The following GLRA2 variants were observed in gnomAD, a reference collection of about 807,000 sequenced individuals.
The protein encoded by GLRA2 is glycine receptor alpha 2, also known as glycine receptor subunit alpha-2.
A neutral mutation model predicts 31.6 loss-of-function variants in GLRA2; 11 were observed. The ratio of observed to expected loss-of-function variants is 0.35; its 90% CI spans 0.22 to 0.58. GLRA2 has a LOEUF of 0.58. Among genes scored for constraint, GLRA2 ranks in the 20% least tolerant of loss-of-function variants. The probability of loss-of-function intolerance (pLI) is 0.84; values close to 1 mark genes in which losing one functional copy is unlikely to be tolerated. For synonymous variants in GLRA2, 132 were observed against 134.0 expected (o/e 0.99, Z 0.10); for missense variants, 212 against 351.8 (o/e 0.60, Z 3.18).
At chrX:14,505,286 T>C in the GLRA2 span, among the ~76,000 whole-genome samples, 1 of 111,924 alleles carries the variant, frequency 8.9e-6, no homozygotes, top group East Asian at 2.8e-4. Context: ...TACAGAGCTG[T>C]TAGTAAGAAA....
rs777634221 is a variant in GLRA2 at position 14,730,509 on chromosome X, C to A, written c.*24C>A. ...AGATGTGCCCTACAGACCCTGGGACCTTCTTGCCTCAGTGTTGTGCTTGTA... is the reference window on the plus strand; with the variant it reads ...AGATGTGCCCTACAGACCCTGGGACATTCTTGCCTCAGTGTTGTGCTTGTA... On this transcript the variant is annotated 3_prime_UTR_variant, in exon 9 of 9. Coordinates refer to ENST00000218075, the MANE Select transcript of GLRA2 (RefSeq NM_002063.4). 24 of 1,072,900 alleles carry A rather than the reference C, an allele frequency of 2.2e-5. No homozygotes were observed. The highest frequency in any genetic ancestry group is 4.0e-5 in the African/African-American group (2 of 49,648). The allele number at this position is 1,072,900 out of a possible 1,213,427, so 88.4% of individuals were successfully genotyped here. A position where few individuals can be genotyped will look rare whatever the true frequency, so the allele number is the denominator to read the frequency against.
Position 14,685,921 on chromosome X carries a change from A to G in GLRA2, c.931-4789A>G, listed in dbSNP as rs1485095576. 3.6e-5 allele frequency among the ~76,000 whole-genome samples: 4 copies of G among 111,806 alleles called. No individual in the cohort carries two copies. The East Asian group carries it at 1.1e-3, about 31-fold the overall frequency. ...TGTGATGTTAGGTTGTCAATTTTAG[A>G]TCTTTCCTGCTTTCTCTTGTGGCAT... On this transcript the variant is annotated intron_variant, in intron 7 of 8. Coordinates refer to ENST00000218075, the MANE Select transcript of GLRA2 (RefSeq NM_002063.4).
intron 8 of GLRA2, among the ~76,000 whole-genome samples, chrX:14,719,639 G>A (rs1264620405): frequency 1.8e-5 from 2 of 111,963 alleles, no homozygotes; most frequent in African/African-American, 6.5e-5. Context: ...ATGGAAAACA[G>A]TATAGCTCAA....
At chrX:14,634,698 C>A (rs2090689729) in intron 7 of GLRA2, among the ~76,000 whole-genome samples, 1 of 111,767 alleles carries the variant, frequency 8.9e-6, no homozygotes, top group South Asian at 3.7e-4. Context: ...ACCATTTGGA[C>A]TTATCAAATA....
chrX:14,653,557 T>A (rs1355105420), intron 7 of GLRA2, among the ~76,000 whole-genome samples: 1 of 112,298 alleles, frequency 8.9e-6, no homozygotes, highest in Non-Finnish European at 1.9e-5. Context: ...AAAGTCTGAA[T>A]AGATGAGGAG....
intron 4 of GLRA2, among the ~76,000 whole-genome samples, chrX:14,599,242 T>A (rs1254985954): frequency 8.9e-6 from 1 of 112,339 alleles, no homozygotes; most frequent in African/African-American, 3.2e-5. Flanking sequence ...AAATGAGTTA[T>A]TTAACAAAAA....
At chrX:14,579,545 G>T (rs919739285) in intron 3 of GLRA2, among the ~76,000 whole-genome samples, 7 of 111,322 alleles carry the variant, frequency 6.3e-5, no homozygotes, top group African/African-American at 2.3e-4. Flanking sequence ...GGCCAGGCTG[G>T]TCTCGAACAC....
intron 2 of GLRA2, among the ~76,000 whole-genome samples, chrX:14,553,546 A>G (rs2089597255): frequency 9.0e-6 from 1 of 110,662 alleles, no homozygotes; most frequent in African/African-American, 3.3e-5. Context: ...GATTCAGTAC[A>G]TTTTGGTATT....
intron 7 of GLRA2, among the ~76,000 whole-genome samples, chrX:14,674,573 C>A (rs895263070): frequency 1.8e-5 from 2 of 111,541 alleles, no homozygotes; most frequent in Non-Finnish European, 3.8e-5. Flanking sequence ...AATGTGTGGG[C>A]CCCTACTTTG....
the GLRA2 span, among the ~76,000 whole-genome samples, chrX:14,449,865 C>T: frequency 9.0e-6 from 1 of 111,645 alleles, no homozygotes; most frequent in African/African-American, 3.3e-5. Flanking sequence ...GGAGGAGCGC[C>T]CAGTTTCAGA....
At chrX:14,574,811 G>T (rs3027344) in intron 3 of GLRA2, among the ~76,000 whole-genome samples, 21,054 of 111,177 alleles carry the variant, frequency 0.19, 1,944 homozygotes, top group Non-Finnish European at 0.29. Context: ...GTTTTCTGTA[G>T]AATTATCCAC....
chrX:14,560,033 T>G (rs1421117187), intron 2 of GLRA2, among the ~76,000 whole-genome samples: 1 of 111,802 alleles, frequency 8.9e-6, no homozygotes, highest in Non-Finnish European at 1.9e-5. Flanking sequence ...TGCTTACTCA[T>G]GTTCAGATAT....
chrX:14,626,890 A>T (rs1254943708), intron 7 of GLRA2, among the ~76,000 whole-genome samples: 1 of 112,013 alleles, frequency 8.9e-6, no homozygotes, highest in African/African-American at 3.2e-5. Flanking sequence ...TTGCTGCATA[A>T]TTTTATGCTT....
chrX:14,606,925 A>C (rs759675588), intron 5 of GLRA2, among the ~76,000 whole-genome samples: 1 of 112,345 alleles, frequency 8.9e-6, no homozygotes, highest in African/African-American at 3.2e-5. Context: ...AAATCCATCC[A>C]TAAGTAGCTT....
At chrX:14,707,757 GGT>G (rs374444365) in intron 8 of GLRA2, among the ~76,000 whole-genome samples, 2,038 of 106,184 alleles carry the variant, frequency 0.019, 44 homozygotes, top group African/African-American at 0.059. Flanking sequence ...CAGCAAAAAA[GGT>G]GTGTGTGTGT....
chrX:14,464,856 A>G, the GLRA2 span, among the ~76,000 whole-genome samples: 1 of 112,056 alleles, frequency 8.9e-6, no homozygotes, highest in East Asian at 2.8e-4. Flanking sequence ...CGCCCAGCCT[A>G]TGTGTCTATT....
At chrX:14,533,937 G>A (rs1338792412) in intron 2 of GLRA2, among the ~76,000 whole-genome samples, 1 of 111,619 alleles carries the variant, frequency 9.0e-6, no homozygotes, top group East Asian at 2.8e-4. Flanking sequence ...TCCAGAGATG[G>A]AAAATTGTTT....
chrX:14,730,941 CACACACACAA>C lies in GLRA2; in HGVS notation c.*459_*468del, dbSNP rs1159544619. On this transcript the variant is annotated 3_prime_UTR_variant, in exon 9 of 9. Coordinates refer to ENST00000218075, the MANE Select transcript of GLRA2 (RefSeq NM_002063.4). ...ACACACACACACACACACACACACACACACACACAAACTTCAAAAATGCTTAACCATCTGA... is the reference window on the plus strand; with the variant it reads ...ACACACACACACACACACACACACACACTTCAAAAATGCTTAACCATCTGA... 25 of 78,092 alleles carry C rather than the reference CACACACACAA, an allele frequency of 3.2e-4. No homozygotes were observed. In the Admixed American group the frequency reaches 3.2e-3, roughly 10 times the overall value. 6.4% of individuals were successfully genotyped at this position (78,092 alleles called of 1,213,427 possible).
intron 6 of GLRA2, 141 bp from the exon 7 acceptor site, chrX:14,608,850 T>C (rs1040933698): frequency 5.9e-5 from 26 of 439,899 alleles, no homozygotes; most frequent in Middle Eastern, 1.2e-3. Flanking sequence ...GTTGAATTGG[T>C]TACGTAGGGT....
Sources: gnomAD v4.1 joint callset for allele counts (sites outside exome capture counted in the v4.1 genomes callset) on GRCh38, gnomAD v4.1.1 for gene constraint, MANE v1.5 for transcripts, NCBI Gene and HGNC (gene_info 2026-07-23, HGNC 2026-07-21) for gene names.